Variants in NALF1 observed in about 807,000 individuals in gnomAD.
The protein encoded by NALF1 is NALCN channel auxiliary factor 1, also known as family with sequence similarity 155 member A.
NALF1 carries 3 observed loss-of-function variants against 48.4 expected under a neutral mutation model. The ratio of observed to expected loss-of-function variants is 0.06; its 90% CI spans 0.03 to 0.16. The LOEUF is 0.16. NALF1 is among the 10% of genes least tolerant of loss of function. The probability of loss-of-function intolerance (pLI) is 1.00; values close to 1 mark genes in which losing one functional copy is unlikely to be tolerated. For synonymous variants in NALF1, 262 were observed against 245.7 expected (o/e 1.07, Z -0.62); for missense variants, 526 against 571.5 (o/e 0.92, Z 0.81).
intron 1 of NALF1, among the ~76,000 whole-genome samples, chr13:107,646,697 G>A (rs1310556725): frequency 6.6e-6 from 1 of 151,992 alleles, no homozygotes; most frequent in Non-Finnish European, 1.5e-5. Flanking sequence ...TCAATTTGAT[G>A]AGACTCCTGA....
At chr13:107,504,400 T>A (rs1875629274) in intron 1 of NALF1, among the ~76,000 whole-genome samples, 2 of 152,194 alleles carry the variant, frequency 1.3e-5, no homozygotes, top group South Asian at 4.1e-4. Context: ...GTGGAGGGAT[T>A]TTTGTTAAGT....
chr13:107,814,254 A>G (rs16971184), intron 1 of NALF1, among the ~76,000 whole-genome samples: 32,871 of 152,052 alleles, frequency 0.22, 5,901 homozygotes, highest in African/African-American at 0.5. Flanking sequence ...CAAAGGTAAG[A>G]AGAGGTATTT....
intron 1 of NALF1, among the ~76,000 whole-genome samples, chr13:107,462,295 C>A (rs1033989686): frequency 2.0e-5 from 3 of 151,680 alleles, no homozygotes; most frequent in Non-Finnish European, 4.4e-5. Flanking sequence ...TTGCCTGGTT[C>A]TCTAAAATGA....
intron 1 of NALF1, among the ~76,000 whole-genome samples, chr13:107,744,801 T>G (rs191873474): frequency 7.2e-5 from 11 of 152,222 alleles, no homozygotes; most frequent in Admixed American, 6.5e-4. Flanking sequence ...TATAACATAA[T>G]TAAACTCTCA....
chr13:107,669,588 G>C (rs910202958), intron 1 of NALF1, among the ~76,000 whole-genome samples: 2 of 152,156 alleles, frequency 1.3e-5, no homozygotes, highest in Non-Finnish European at 2.9e-5. Flanking sequence ...AGGTTCACAA[G>C]CAGAGCTTGT....
intron 1 of NALF1, among the ~76,000 whole-genome samples, chr13:107,295,839 TA>T (rs1309737511): frequency 6.6e-6 from 1 of 152,166 alleles, no homozygotes; most frequent in Non-Finnish European, 1.5e-5. Flanking sequence ...CTGATTATTT[TA>T]AAAAAACACT....
At chr13:107,275,433 C>T (rs1881260798) in intron 1 of NALF1, among the ~76,000 whole-genome samples, 2 of 96,594 alleles carry the variant, frequency 2.1e-5, no homozygotes, top group East Asian at 2.5e-4. Context: ...AAAACACAGT[C>T]AATCAATTCT....
chr13:107,843,388 G>C (rs371508240), intron 1 of NALF1, among the ~76,000 whole-genome samples: 2 of 152,124 alleles, frequency 1.3e-5, no homozygotes, highest in South Asian at 2.1e-4. Context: ...GCTCCACTTA[G>C]AGAATCATCC....
intron 1 of NALF1, among the ~76,000 whole-genome samples, chr13:107,802,399 TAAAC>T (rs1450103105): frequency 1.3e-5 from 2 of 152,356 alleles, no homozygotes; most frequent in East Asian, 3.8e-4. Flanking sequence ...TTCAGATTGT[TAAAC>T]ATACCACTAA....
intron 1 of NALF1, among the ~76,000 whole-genome samples, chr13:107,238,990 T>C (rs1041933165): frequency 1.3e-5 from 2 of 151,964 alleles, no homozygotes; most frequent in Non-Finnish European, 2.9e-5. Context: ...AACATGGAAA[T>C]ATTCAAAAAG....
chr13:107,537,901 C>T (rs148858096), intron 1 of NALF1, among the ~76,000 whole-genome samples: 1,664 of 152,086 alleles, frequency 0.011, 32 homozygotes, highest in African/African-American at 0.038. Context: ...ACCTGTAATC[C>T]CAGCTACTCG....
rs557737990 is a variant in NALF1, at chr13:107,688,838, C to T, written c.915+176844G>A. ...CATAGAGGTCAGAGGCAGAGGTTGG[C>T]AGAAATGTGGCTCCTGGGTCAGGTG... On this transcript the variant is annotated intron_variant, in intron 1 of 2. Coordinates refer to ENST00000375915, the MANE Select transcript of NALF1 (RefSeq NM_001080396.3). Among the ~76,000 whole-genome samples, 6 of 152,246 alleles carry T rather than the reference C, an allele frequency of 3.9e-5. No homozygotes were observed. In the South Asian group the frequency reaches 1.2e-3, roughly 32 times the overall value.
At chr13:107,215,121 A>T (rs1239055137) in intron 1 of NALF1, among the ~76,000 whole-genome samples, 1 of 152,198 alleles carries the variant, frequency 6.6e-6, no homozygotes, top group East Asian at 1.9e-4. Flanking sequence ...GCCTCTGTTA[A>T]CGTCGGAAGT....
At chr13:107,488,797 T>G (rs1357554782) in intron 1 of NALF1, among the ~76,000 whole-genome samples, 1 of 152,024 alleles carries the variant, frequency 6.6e-6, no homozygotes, top group Admixed American at 6.6e-5. Context: ...GATAAAGAAA[T>G]AAGGGGCATT....
intron 1 of NALF1, among the ~76,000 whole-genome samples, chr13:107,640,874 G>C (rs370354696): frequency 1.5e-4 from 23 of 152,158 alleles, no homozygotes; most frequent in East Asian, 1.2e-3. Context: ...AGATATAAAA[G>C]ATTACAAGGC....
intron 2 of NALF1, among the ~76,000 whole-genome samples, chr13:107,194,653 A>G (rs1415782824): frequency 2.0e-5 from 3 of 152,200 alleles, no homozygotes; most frequent in Admixed American, 2.0e-4. Context: ...TCTTCTAGAC[A>G]TTGGCTTAGG....
chr13:107,525,187 G>A (rs971555733), intron 1 of NALF1, among the ~76,000 whole-genome samples: 1 of 152,024 alleles, frequency 6.6e-6, no homozygotes, highest in African/African-American at 2.4e-5. Context: ...TTTAACACAT[G>A]GAGATTTCTG....
intron 1 of NALF1, among the ~76,000 whole-genome samples, chr13:107,349,874 C>T (rs1168578560): frequency 6.6e-6 from 1 of 151,954 alleles, no homozygotes; most frequent in Non-Finnish European, 1.5e-5. Flanking sequence ...TGCAGTGGTC[C>T]CCAACCATTT....
At chr13:107,857,341 A>T (rs908970917) in intron 1 of NALF1, among the ~76,000 whole-genome samples, 1 of 152,226 alleles carries the variant, frequency 6.6e-6, no homozygotes, top group African/African-American at 2.4e-5. Context: ...CAAAGCTGAA[A>T]ATCTAGGGTG....
Sources: gnomAD v4.1 joint callset for allele counts (sites outside exome capture counted in the v4.1 genomes callset) on GRCh38, gnomAD v4.1.1 for gene constraint, MANE v1.5 for transcripts, NCBI Gene and HGNC (gene_info 2026-07-23, HGNC 2026-07-21) for gene names.